The following CTTNBP2 variants were observed in gnomAD, a reference collection of about 807,000 sequenced individuals.
CTTNBP2 encodes cortactin-binding protein 2.
In CTTNBP2, 108 loss-of-function variants were observed where a neutral mutation model predicts 156.9. That is an observed-to-expected ratio of 0.69 (90% CI 0.59 to 0.81). The LOEUF (loss-of-function observed/expected upper bound fraction) is 0.81, where lower values mean the gene tolerates loss of function less well. CTTNBP2 is among the 30% of genes least tolerant of loss of function. The probability of loss-of-function intolerance (pLI) is 0.00; values close to 1 mark genes in which losing one functional copy is unlikely to be tolerated. For missense variants in CTTNBP2, 1,924 were observed against 2,035.4 expected (o/e 0.95, Z 1.05); for synonymous variants, 767 against 751.8 (o/e 1.02, Z -0.33).
intron 2 of CTTNBP2, among the ~76,000 whole-genome samples, chr7:117,850,956 A>C (rs1248307471): frequency 6.6e-6 from 1 of 152,226 alleles, no homozygotes; most frequent in Admixed American, 6.5e-5. Context: ...GCTAAGCACT[A>C]AAAAGGCTGT....
chr7:117,824,319 A>G (rs1801152838), intron 2 of CTTNBP2, among the ~76,000 whole-genome samples: 1 of 152,156 alleles, frequency 6.6e-6, no homozygotes, highest in Non-Finnish European at 1.5e-5. Context: ...TCTTGGTGGT[A>G]GAATTCATTC....
intron 7 of CTTNBP2, among the ~76,000 whole-genome samples, chr7:117,780,162 G>A (rs561440367): frequency 2.0e-5 from 3 of 152,130 alleles, no homozygotes; most frequent in Non-Finnish European, 4.4e-5. Context: ...TACCTCCCTT[G>A]TCTGCCCTAG....
rs147035715 is a variant in CTTNBP2 at position 117,792,483 on chromosome 7, C to T, written c.713G>A (p.Arg238Gln). The T allele has an allele frequency of 2.1e-5, 34 of 1,614,064 alleles. No homozygotes were observed. The highest frequency in any genetic ancestry group is 2.7e-5 in the African/African-American group (2 of 74,932). Residue 238 changes from arginine to glutamine, a missense_variant, in exon 4 of 23, where the codon CGG becomes CAG. Physicochemically the swap from Arg to Gln is conservative, Grantham distance 43. Transcript: ENST00000160373. This position sits in a 1 kb window ranked among gnomAD's most constrained non-coding sequence, Gnocchi z 4.2. ...GTTCAGCTTGGCACGAAGCTGTTCCCGCTCAGTGTCAAACTCAGAGAGTTG... is the reference window on the plus strand; with the variant it reads ...GTTCAGCTTGGCACGAAGCTGTTCCTGCTCAGTGTCAAACTCAGAGAGTTG... ...EKQLSEFDTEREQLRAKLNRE... is the reference protein window; with the variant it reads ...EKQLSEFDTEQEQLRAKLNRE...
At chr7:117,751,154 TTTTCCTCCACAATGC>T (rs1796600464) in intron 12 of CTTNBP2, among the ~76,000 whole-genome samples, 1 of 152,206 alleles carries the variant, frequency 6.6e-6, no homozygotes, top group Admixed American at 6.5e-5. Context: ...ATCTCTATTT[TTTTCCTCCACAATGC>T]TTTCCTGCAG....
At chr7:117,717,744 G>GAAA (rs139772053) in intron 22 of CTTNBP2, among the ~76,000 whole-genome samples, 4 of 127,800 alleles carry the variant, frequency 3.1e-5, no homozygotes, top group African/African-American at 8.2e-5. Flanking sequence ...CATATAAAAT[G>GAAA]AAAAAAAAAA....
intron 22 of CTTNBP2, among the ~76,000 whole-genome samples, chr7:117,717,005 T>TTG (rs1562946120): frequency 6.5e-4 from 2 of 3,086 alleles, no homozygotes; most frequent in Admixed American, 2.4e-3. Context: ...ACTCCCAAGG[T>TTG]GGCTTACAAT....
rs747053718 is a variant in CTTNBP2 at position 117,791,297 on chromosome 7, C to T, written c.1899G>A (p.Thr633=). The change falls in exon 4 of 23, where the codon ACG becomes ACA. Residue 633 remains threonine, a synonymous_variant. Transcript: ENST00000160373. ...CAGCAGGCCAGGCACCCACCTGAGA[C>T]GTGGCCAGGGCTGAAACGGCACAGC... is the stretch of plus-strand genomic sequence containing the variant. The part of the protein sequence containing the change: ...PAGCAVSALA[T]SQVGAWPAAT... 2.0e-5 allele frequency: 33 copies of T among 1,613,998 alleles called. No individual in the cohort carries two copies. The highest frequency in any genetic ancestry group is 1.6e-4 in the Middle Eastern group (1 of 6,084).
intron 16 of CTTNBP2, among the ~76,000 whole-genome samples, chr7:117,729,177 G>A (rs553678336): frequency 1.1e-4 from 17 of 152,316 alleles, no homozygotes; most frequent in Admixed American, 3.3e-4. Flanking sequence ...GTTAGACATC[G>A]TAACGGAATC....
intron 4 of CTTNBP2, among the ~76,000 whole-genome samples, chr7:117,787,611 G>C (rs1798770959): frequency 6.6e-6 from 1 of 152,200 alleles, no homozygotes; most frequent in African/African-American, 2.4e-5. Flanking sequence ...AGTGATTTCT[G>C]GTTTAGGCTT....
chr7:117,735,373 A>G lies in CTTNBP2; in HGVS notation c.3584T>C (p.Ile1195Thr). The G allele has an allele frequency of 6.2e-7, 1 of 1,613,596 alleles. No homozygotes were observed. Among genetic ancestry groups the G allele is most frequent in the Non-Finnish European group, 8.5e-7 (1 of 1,179,562 alleles). The change falls in exon 15 of 23, where the codon ATC becomes ACC. Residue 1195 changes from isoleucine to threonine, a missense_variant. Ile to Thr is a moderately conservative substitution (Grantham distance 89, BLOSUM62 -1). Coordinates refer to ENST00000160373, the MANE Select transcript of CTTNBP2 (RefSeq NM_033427.3). The part of the protein sequence containing the change: ...KQSPSKKKII[I>T]ILENLEKSSL... ...AGATTTTTCTAAATTTTCTAAAATG[A>G]TGATGATTTTCTTCTTACTGGGAGA... is the stretch of plus-strand genomic sequence containing the variant.
rs751363985 is a variant in CTTNBP2, at chr7:117,711,755, T to C, written c.4774A>G (p.Thr1592Ala). The C allele has an allele frequency of 1.2e-6, 2 of 1,613,438 alleles. No homozygotes were observed. The highest frequency in any genetic ancestry group is 1.3e-5 in the African/African-American group (1 of 74,910). Residue 1592 changes from threonine to alanine, a missense_variant, in exon 23 of 23, where the codon ACT becomes GCT. Coordinates refer to ENST00000160373, the MANE Select transcript of CTTNBP2 (RefSeq NM_033427.3). ...KEVSPLSSHQ[T>A]TECSNSKSKT... ...GATTTACTGTTGCTGCATTCAGTAG[T>C]TTGATGGCTGCTGAGAGGACTGACC... is the stretch of plus-strand genomic sequence containing the variant.
At chr7:117,801,574 G>A (rs1314547196) in intron 3 of CTTNBP2, among the ~76,000 whole-genome samples, 1 of 152,162 alleles carries the variant, frequency 6.6e-6, no homozygotes, top group South Asian at 2.1e-4. Context: ...AAAAAATGCT[G>A]TTTCAATTAT....
intron 11 of CTTNBP2, 104 bp downstream of exon 11, chr7:117,757,771 G>A (rs1206285610): frequency 2.9e-6 from 2 of 681,792 alleles, no homozygotes; most frequent in East Asian, 2.8e-5. Flanking sequence ...CATGTGCGTG[G>A]CTAGAAGACA....
At chr7:117,824,687 T>G (rs1445438684) in intron 2 of CTTNBP2, among the ~76,000 whole-genome samples, 2 of 152,218 alleles carry the variant, frequency 1.3e-5, no homozygotes, top group African/African-American at 4.8e-5. Context: ...CTCCCAGCAA[T>G]CTGCCTCCAA....
chr7:117,841,665 A>G (rs1802286715), intron 2 of CTTNBP2, among the ~76,000 whole-genome samples: 1 of 152,260 alleles, frequency 6.6e-6, no homozygotes, highest in African/African-American at 2.4e-5. Flanking sequence ...TTTCGGTCAA[A>G]TCTCTTCTCC....
intron 2 of CTTNBP2, among the ~76,000 whole-genome samples, chr7:117,845,307 G>A (rs1802519287): frequency 6.6e-6 from 1 of 152,166 alleles, no homozygotes; most frequent in Non-Finnish European, 1.5e-5. Flanking sequence ...TTGAAGAATA[G>A]CTAGGGATAT....
At chr7:117,873,214 C>G in intron 1 of CTTNBP2, 121 bp downstream of exon 1, 1 of 733,132 alleles carries the variant, frequency 1.4e-6, no homozygotes, top group Non-Finnish European at 1.9e-6. Context: ...TGAAGGGGCA[C>G]CGGAGAGTCC....
intron 3 of CTTNBP2, among the ~76,000 whole-genome samples, chr7:117,799,285 C>T (rs1054838259): frequency 1.3e-5 from 2 of 151,476 alleles, no homozygotes; most frequent in Admixed American, 6.6e-5. Flanking sequence ...ATGAAATCCA[C>T]CAATATATAA....
At chr7:117,726,036 G>C (rs1489329992) in intron 17 of CTTNBP2, among the ~76,000 whole-genome samples, 1 of 152,208 alleles carries the variant, frequency 6.6e-6, no homozygotes, top group East Asian at 1.9e-4. Flanking sequence ...CCCAAGGCAA[G>C]GGTGCGTGTG....
Sources: allele counts gnomAD v4.1 joint callset (sites outside exome capture counted in the v4.1 genomes callset), GRCh38; gene constraint gnomAD v4.1.1; non-coding constraint Gnocchi (gnomAD v3.1); transcripts MANE v1.5; gene names NCBI Gene and HGNC (gene_info 2026-07-23, HGNC 2026-07-21).